The following FGF12 variants were observed in gnomAD, a reference collection of about 807,000 sequenced individuals.
FGF12 encodes fibroblast growth factor 12B.
Under a neutral mutation model 23.6 loss-of-function variants are expected in FGF12, and 14 were observed. The observed-to-expected ratio is 0.59, with a 90% CI of 0.39 to 0.93. The LOEUF (loss-of-function observed/expected upper bound fraction) is 0.93. Ranked by LOEUF, FGF12 falls within the 40% of genes least tolerant of loss-of-function variation. The probability of loss-of-function intolerance (pLI) is 0.00; values close to 1 mark genes in which losing one functional copy is unlikely to be tolerated. For missense variants in FGF12, 175 were observed against 217.8 expected (o/e 0.80, Z 1.24); for synonymous variants, 62 against 77.3 (o/e 0.80, Z 1.04).
rs920134166 is a variant in FGF12 at position 192,408,136 on chromosome 3, G to T, written c.14-47598C>A. 1 of 1,612,308 alleles carries T rather than the reference G, an allele frequency of 6.2e-7. No individual in the cohort carries two copies. Among genetic ancestry groups the T allele is most frequent in the Non-Finnish European group, 8.5e-7 (1 of 1,179,970 alleles). On this transcript the variant is annotated intron_variant, in intron 2 of 5. Coordinates refer to ENST00000445105, the MANE Select transcript of FGF12 (RefSeq NM_004113.6). This position sits in a 1 kb window ranked among gnomAD's most constrained non-coding sequence, Gnocchi z 7.3. ...CGCCCGTCTTTGCTGGGGCTGGAGC[G>T]GCGCTTGGAGGCCGACACTCGGTCG...
At chr3:192,441,335 G>T (rs1722195861) in intron 2 of FGF12, among the ~76,000 whole-genome samples, 1 of 152,166 alleles carries the variant, frequency 6.6e-6, no homozygotes, top group Non-Finnish European at 1.5e-5. Context: ...ATCTGAGGGA[G>T]GATTTAGCCA....
intron 4 of FGF12, among the ~76,000 whole-genome samples, chr3:192,294,838 A>G (rs1454404720): frequency 6.6e-6 from 1 of 152,192 alleles, no homozygotes; most frequent in Non-Finnish European, 1.5e-5. Flanking sequence ...ATATCTCTCT[A>G]TAAAGACATA....
chr3:192,641,633 C>T (rs1359867147), intron 2 of FGF12, among the ~76,000 whole-genome samples: 1 of 150,946 alleles, frequency 6.6e-6, no homozygotes, highest in Non-Finnish European at 1.5e-5. Context: ...CTTGAACTCC[C>T]GACCTCAGGT....
intron 2 of FGF12, among the ~76,000 whole-genome samples, chr3:192,658,955 A>G (rs1716549321): frequency 6.6e-6 from 1 of 152,206 alleles, no homozygotes; most frequent in Non-Finnish European, 1.5e-5. Flanking sequence ...TAAGTCATAC[A>G]TGGCCCCTGC....
chr3:192,316,599 C>T (rs934777183), intron 4 of FGF12, among the ~76,000 whole-genome samples: 4 of 152,168 alleles, frequency 2.6e-5, no homozygotes, highest in African/African-American at 9.6e-5. Context: ...ATTGTCTGTC[C>T]TAGTGGTCAG....
intron 4 of FGF12, among the ~76,000 whole-genome samples, chr3:192,243,693 A>T (rs1490671568): frequency 6.6e-6 from 1 of 151,846 alleles, no homozygotes; most frequent in Non-Finnish European, 1.5e-5. Context: ...CAGAAACTAT[A>T]AAAAAAAGAT....
chr3:192,610,290 A>G (rs1250257630), intron 2 of FGF12, among the ~76,000 whole-genome samples: 1 of 152,042 alleles, frequency 6.6e-6, no homozygotes, highest in Non-Finnish European at 1.5e-5. Flanking sequence ...ACTGAATGTG[A>G]ATCAAATTTC....
At chr3:192,547,617 A>T (rs1431804417) in intron 2 of FGF12, among the ~76,000 whole-genome samples, 1 of 152,248 alleles carries the variant, frequency 6.6e-6, no homozygotes, top group Non-Finnish European at 1.5e-5. Flanking sequence ...AATTGGCCAC[A>T]TAGAAATGAT....
intron 4 of FGF12, among the ~76,000 whole-genome samples, chr3:192,288,426 C>T (rs984316272): frequency 6.6e-6 from 1 of 152,092 alleles, no homozygotes; most frequent in South Asian, 2.1e-4. Context: ...AATCTTCCTT[C>T]AAAATTAGAT....
At chr3:192,462,209 A>G (rs1722885907) in intron 2 of FGF12, among the ~76,000 whole-genome samples, 1 of 152,170 alleles carries the variant, frequency 6.6e-6, no homozygotes, top group Admixed American at 6.5e-5. Context: ...ATTCTTCTGG[A>G]CGGAGATTAT....
At chr3:192,496,935 C>T (rs976065096) in intron 2 of FGF12, among the ~76,000 whole-genome samples, 2 of 152,138 alleles carry the variant, frequency 1.3e-5, no homozygotes, top group Non-Finnish European at 2.9e-5. Context: ...GTCCTTATAT[C>T]TCTTTTCTTC....
At chr3:192,577,021 A>G (rs961825402) in intron 2 of FGF12, among the ~76,000 whole-genome samples, 3 of 152,160 alleles carry the variant, frequency 2.0e-5, no homozygotes, top group Non-Finnish European at 2.9e-5. Flanking sequence ...ACACCGGGAC[A>G]CAGGGAGGGA....
At chr3:192,260,006 T>TAA (rs1354328056) in intron 4 of FGF12, among the ~76,000 whole-genome samples, 1 of 152,138 alleles carries the variant, frequency 6.6e-6, no homozygotes, top group Non-Finnish European at 1.5e-5. Flanking sequence ...CAGTAAAATC[T>TAA]GTGGGCTTAG....
At chr3:192,216,193 A>G (rs1718184598) in intron 4 of FGF12, among the ~76,000 whole-genome samples, 1 of 152,104 alleles carries the variant, frequency 6.6e-6, no homozygotes, top group Non-Finnish European at 1.5e-5. Context: ...TCCCATTTAC[A>G]TTTCTCCAAG....
intron 4 of FGF12, among the ~76,000 whole-genome samples, chr3:192,311,638 T>C (rs905988563): frequency 1.3e-5 from 2 of 152,190 alleles, no homozygotes; most frequent in East Asian, 3.8e-4. Flanking sequence ...AGACATATAT[T>C]GCAAATTTTC....
chr3:192,634,709 T>G (rs1228659802), intron 2 of FGF12, among the ~76,000 whole-genome samples: 1 of 152,134 alleles, frequency 6.6e-6, no homozygotes, highest in Admixed American at 6.5e-5. Flanking sequence ...ATGAATAAAT[T>G]ACTTTATATA....
intron 2 of FGF12, among the ~76,000 whole-genome samples, chr3:192,598,254 C>T (rs762205079): frequency 1.3e-5 from 2 of 152,174 alleles, no homozygotes; most frequent in Non-Finnish European, 2.9e-5. Context: ...CAGTGAATCA[C>T]AGCAAGAGAA....
At chr3:192,577,605 G>C (rs948548969) in intron 2 of FGF12, among the ~76,000 whole-genome samples, 1 of 152,180 alleles carries the variant, frequency 6.6e-6, no homozygotes, top group Non-Finnish European at 1.5e-5. Context: ...ATGGCATAGA[G>C]GAATTCACTA....
chr3:192,174,518 G>A (rs1469164437), intron 4 of FGF12, among the ~76,000 whole-genome samples: 1 of 152,154 alleles, frequency 6.6e-6, no homozygotes, highest in Non-Finnish European at 1.5e-5. Context: ...CATGGCAGGA[G>A]TTTGCTGCAG....
Sources: gnomAD v4.1 joint callset for allele counts (sites outside exome capture counted in the v4.1 genomes callset) on GRCh38, gnomAD v4.1.1 for gene constraint, Gnocchi (gnomAD v3.1) non-coding constraint, MANE v1.5 for transcripts, NCBI Gene and HGNC (gene_info 2026-07-23, HGNC 2026-07-21) for gene names.